KLHL32: variants seen among roughly 807,000 people sequenced by gnomAD.
KLHL32 encodes the protein kelch like family member 32, also known as kelch-like protein 32.
KLHL32 carries 35 observed loss-of-function variants against 64.8 expected under a neutral mutation model. That is an observed-to-expected ratio of 0.54 (90% CI 0.41 to 0.72). The LOEUF (loss-of-function observed/expected upper bound fraction) is 0.72. Among genes scored for constraint, KLHL32 ranks in the 30% least tolerant of loss-of-function variants. The pLI is 0.00. For synonymous variants in KLHL32, 259 were observed against 281.0 expected, an observed-to-expected ratio of 0.92 and a Z score of 0.78; for missense variants, 589 against 768.5, an observed-to-expected ratio of 0.77 and a Z score of 2.76.
intron 3 of KLHL32, among the ~76,000 whole-genome samples, chr6:97,021,096 G>A (rs1582739619): frequency 6.6e-6 from 1 of 151,080 alleles, no homozygotes; most frequent in South Asian, 2.1e-4. Context: ...TGGCTCATAC[G>A]ATTATGGAGG....
intron 3 of KLHL32, among the ~76,000 whole-genome samples, chr6:96,977,456 AT>A (rs1775833504): frequency 6.9e-6 from 1 of 144,316 alleles, no homozygotes; most frequent in African/African-American, 2.7e-5. Context: ...CATTATTTCA[AT>A]GCCTATTTAA....
chr6:97,119,546 G>A (rs1472898370), intron 7 of KLHL32, among the ~76,000 whole-genome samples: 1 of 152,178 alleles, frequency 6.6e-6, no homozygotes, highest in Non-Finnish European at 1.5e-5. Context: ...CAGGAAATTG[G>A]AAGAAGGCGG....
intron 1 of KLHL32, among the ~76,000 whole-genome samples, chr6:96,938,335 G>T (rs1309239415): frequency 6.6e-6 from 1 of 152,180 alleles, no homozygotes; most frequent in Non-Finnish European, 1.5e-5. Flanking sequence ...GTTCCACTAG[G>T]TTCCCTATTG....
rs192734156 is a variant in KLHL32, at chr6:97,088,986, T to C, written c.627+3645T>C. On this transcript the variant is annotated intron_variant, in intron 6 of 10. Transcript: ENST00000369261. ...GTACAATTTGTAGAAAAAGCCTATA[T>C]AGAAAAATATAACATCAATTCTTAT... is the stretch of plus-strand genomic sequence containing the variant. 4.0e-3 allele frequency among the ~76,000 whole-genome samples: 616 copies of C among 152,346 alleles called. 5 individuals carry two copies. The highest frequency in any genetic ancestry group is 0.014 in the African/African-American group (587 of 41,586).
intron 4 of KLHL32, among the ~76,000 whole-genome samples, chr6:97,047,068 T>C (rs1334587507): frequency 2.0e-5 from 3 of 152,214 alleles, no homozygotes; most frequent in African/African-American, 7.2e-5. Context: ...CCTCTAAGTG[T>C]AACAAGATGT....
At chr6:96,980,888 G>A (rs1336326068) in intron 3 of KLHL32, among the ~76,000 whole-genome samples, 12 of 152,006 alleles carry the variant, frequency 7.9e-5, no homozygotes, top group Admixed American at 7.9e-4. Context: ...AGATTTAATT[G>A]ACTCACAGTT....
At chr6:96,973,438 T>A (rs149750124) in intron 2 of KLHL32, among the ~76,000 whole-genome samples, 1 of 152,210 alleles carries the variant, frequency 6.6e-6, no homozygotes, top group Non-Finnish European at 1.5e-5. Flanking sequence ...TTATTTAACA[T>A]TTAAGGTGAT....
Position 96,971,607 on chromosome 6 carries a change from C to CTG in KLHL32, c.24-4388_24-4387dup, listed in dbSNP as rs548125978. 4.0e-4 allele frequency among the ~76,000 whole-genome samples: 61 copies of CTG among 152,174 alleles called. No individual in the cohort carries two copies. The East Asian group carries it at 0.011, about 26-fold the overall frequency. On this transcript the variant is annotated intron_variant, in intron 2 of 10. Coordinates refer to ENST00000369261, the MANE Select transcript of KLHL32 (RefSeq NM_052904.4). ...CTGGCATTACTAAAAGGTCATCTTA[C>CTG]TGTTCAGGGAGTCTGGGGCTTTCCA...
intron 4 of KLHL32, among the ~76,000 whole-genome samples, chr6:97,046,747 C>A (rs1246916537): frequency 6.6e-6 from 1 of 151,982 alleles, no homozygotes; most frequent in East Asian, 1.9e-4. Context: ...ACTATGGAGT[C>A]GACATTAACA....
intron 3 of KLHL32, among the ~76,000 whole-genome samples, chr6:96,982,805 A>G (rs188343746): frequency 6.6e-6 from 1 of 152,246 alleles, no homozygotes; most frequent in African/African-American, 2.4e-5. Context: ...TTTTCTAGAT[A>G]TACAATCATG....
chr6:96,987,521 T>C (rs1307249696), intron 3 of KLHL32, among the ~76,000 whole-genome samples: 2 of 152,212 alleles, frequency 1.3e-5, no homozygotes, highest in African/African-American at 2.4e-5. Context: ...AAAATGGCCA[T>C]ACTGCCTGAA....
intron 1 of KLHL32, among the ~76,000 whole-genome samples, chr6:96,962,667 A>G (rs1774004869): frequency 1.3e-5 from 2 of 152,206 alleles, no homozygotes; most frequent in African/African-American, 4.8e-5. Flanking sequence ...TAATAAAAGA[A>G]GACACACAAT....
At chr6:96,915,549 A>AAG in the KLHL32 span, among the ~76,000 whole-genome samples, 1 of 152,218 alleles carries the variant, frequency 6.6e-6, no homozygotes, top group African/African-American at 2.4e-5. Flanking sequence ...AGTTAGAGGA[A>AAG]AGAGCACTGA....
intron 6 of KLHL32, among the ~76,000 whole-genome samples, chr6:97,107,821 T>C (rs995559992): frequency 2.0e-5 from 3 of 152,270 alleles, no homozygotes; most frequent in Non-Finnish European, 4.4e-5. Flanking sequence ...AAGGATTTGA[T>C]ACTATTTGTT....
At chr6:97,053,298 T>C (rs865896817) in intron 4 of KLHL32, among the ~76,000 whole-genome samples, 54 of 152,284 alleles carry the variant, frequency 3.5e-4, no homozygotes, top group African/African-American at 1.3e-3. Context: ...CCCAGAGGGA[T>C]CTTAATGTTA....
At chr6:96,931,827 A>C (rs1369535177) in intron 1 of KLHL32, among the ~76,000 whole-genome samples, 1 of 152,196 alleles carries the variant, frequency 6.6e-6, no homozygotes, top group African/African-American at 2.4e-5. Context: ...CATCAGTGCC[A>C]AGTCTTTTGT....
chr6:97,086,281 G>A (rs995113934), intron 6 of KLHL32, among the ~76,000 whole-genome samples: 1 of 152,180 alleles, frequency 6.6e-6, no homozygotes, highest in African/African-American at 2.4e-5. Flanking sequence ...GGCCAAAATT[G>A]TCATATAGGT....
chr6:96,960,534 A>G (rs1260078361), intron 1 of KLHL32, among the ~76,000 whole-genome samples: 1 of 152,240 alleles, frequency 6.6e-6, no homozygotes, highest in African/African-American at 2.4e-5. Flanking sequence ...TTGGAGTATT[A>G]CACTAAAACA....
chr6:96,948,952 A>G (rs1772244744), intron 1 of KLHL32, among the ~76,000 whole-genome samples: 1 of 152,198 alleles, frequency 6.6e-6, no homozygotes, highest in Non-Finnish European at 1.5e-5. Context: ...AAACTTTCTT[A>G]TCTCCGACTT....
Sources: gnomAD v4.1 joint callset for allele counts (sites outside exome capture counted in the v4.1 genomes callset) on GRCh38, gnomAD v4.1.1 for gene constraint, MANE v1.5 for transcripts, NCBI Gene and HGNC (gene_info 2026-07-23, HGNC 2026-07-21) for gene names.